GLRA1: variants seen among roughly 807,000 people sequenced by gnomAD.
The protein encoded by GLRA1 is glycine receptor alpha 1.
GLRA1 carries 37 observed loss-of-function variants against 48.3 expected under a neutral mutation model. The ratio of observed to expected loss-of-function variants is 0.77; its 90% CI spans 0.59 to 1.01. The LOEUF is 1.01. Ranked by LOEUF, GLRA1 falls within the 50% of genes least tolerant of loss-of-function variation. The pLI is 0.00. For missense variants in GLRA1, 427 were observed against 571.0 expected (o/e 0.75, Z 2.57); for synonymous variants, 196 against 210.7 (o/e 0.93, Z 0.60).
At position 151,892,437 on chromosome 5, in the gene GLRA1, G is replaced by C; in HGVS notation, c.58C>G (p.Leu20Val). ...YLWETIVFFSLAASKEAEAAR... is the reference protein window; with the variant it reads ...YLWETIVFFSVAASKEAEAAR... ...GCTTCAGCCTCCTTAGAAGCAGCAAGGCTAAGGAGGAAGAGAGGAGAGCAA... is the reference window on the plus strand; with the variant it reads ...GCTTCAGCCTCCTTAGAAGCAGCAACGCTAAGGAGGAAGAGAGGAGAGCAA... Residue 20 changes from leucine to valine, a missense_variant and splice_region_variant, in exon 2 of 9, where the codon CTT becomes GTT. Leu to Val is a conservative substitution (Grantham distance 32, BLOSUM62 1). Coordinates refer to ENST00000274576, the MANE Select transcript of GLRA1 (RefSeq NM_000171.4). The C allele has an allele frequency of 6.2e-7, 1 of 1,613,970 alleles. No individual in the cohort carries two copies. Among genetic ancestry groups the C allele is most frequent in the Middle Eastern group, 1.7e-4 (1 of 6,060 alleles).
At chr5:151,839,554 T>C (rs1443078947) in intron 7 of GLRA1, among the ~76,000 whole-genome samples, 1 of 152,150 alleles carries the variant, frequency 6.6e-6, no homozygotes, top group Non-Finnish European at 1.5e-5. Flanking sequence ...GAACTGAATA[T>C]TTGTGTGCCC....
At chr5:151,828,770 T>G (rs1021688427) in intron 8 of GLRA1, 151 bp downstream of exon 8, 27 of 782,150 alleles carry the variant, frequency 3.5e-5, no homozygotes, top group Middle Eastern at 2.5e-4. Context: ...GAGGGAAAGC[T>G]GAGACCTCTA....
intron 3 of GLRA1, among the ~76,000 whole-genome samples, chr5:151,878,915 C>T (rs561216377): frequency 6.6e-6 from 1 of 152,312 alleles, no homozygotes; most frequent in South Asian, 2.1e-4. Flanking sequence ...GGGTTGAAGC[C>T]CCCACACAGA....
Position 151,845,850 on chromosome 5 carries a change from T to G in GLRA1, c.912+5540A>C, listed in dbSNP as rs192632731. The stretch of plus-strand genomic sequence containing the variant: ...TGAATGGATAACAAAATGTGATATA[T>G]CTATACCATGGAATATTATTCAGCC... On this transcript the variant is annotated intron_variant, in intron 7 of 8. Coordinates refer to ENST00000274576, the MANE Select transcript of GLRA1 (RefSeq NM_000171.4). Among the ~76,000 whole-genome samples the G allele has an allele frequency of 5.9e-5, 9 of 152,296 alleles. No homozygotes were observed. In the East Asian group the frequency reaches 1.7e-3, roughly 29 times the overall value.
intron 1 of GLRA1, among the ~76,000 whole-genome samples, chr5:151,919,902 A>T (rs1273308117): frequency 1.3e-5 from 2 of 152,244 alleles, no homozygotes; most frequent in Admixed American, 6.5e-5. Flanking sequence ...CTGCCAGCTG[A>T]TGAAGGAAAT....
intron 7 of GLRA1, among the ~76,000 whole-genome samples, chr5:151,838,245 A>G (rs528939274): frequency 6.6e-6 from 1 of 152,314 alleles, no homozygotes; most frequent in African/African-American, 2.4e-5. Flanking sequence ...AGGCAGGTAG[A>G]TCACCTCAGG....
Position 151,822,622 on chromosome 5 carries a change from G to A in GLRA1, c.*51C>T, listed in dbSNP as rs757211765. 3 of 1,250,958 alleles carry A rather than the reference G, an allele frequency of 2.4e-6. No homozygotes were observed. Among genetic ancestry groups the A allele is most frequent in the Non-Finnish European group, 3.5e-6 (3 of 849,688 alleles). 77.5% of individuals were successfully genotyped at this position (1,250,958 alleles called of 1,614,324 possible). A position where few individuals can be genotyped will look rare whatever the true frequency, so the allele number is the denominator to read the frequency against. On this transcript the variant is annotated 3_prime_UTR_variant, in exon 9 of 9. Transcript: ENST00000274576. The stretch of plus-strand genomic sequence containing the variant: ...CTCTTCCTTAGTCTCTCAGATTCCT[G>A]TGCTATTCCCACGTTCCCCTCTCCC...
At chr5:151,848,399 C>G (rs1179377063) in intron 7 of GLRA1, among the ~76,000 whole-genome samples, 1 of 152,112 alleles carries the variant, frequency 6.6e-6, no homozygotes, top group Non-Finnish European at 1.5e-5. Context: ...TGGAGTCTCA[C>G]TCTGTTGCCC....
intron 7 of GLRA1, among the ~76,000 whole-genome samples, chr5:151,844,748 C>A (rs549818820): frequency 8.4e-4 from 127 of 151,398 alleles, no homozygotes; most frequent in Non-Finnish European, 1.6e-3. Flanking sequence ...TACTATCAAC[C>A]AAGTGAAAAG....
intron 3 of GLRA1, among the ~76,000 whole-genome samples, chr5:151,879,185 G>T (rs536426459): frequency 1.1e-3 from 168 of 152,312 alleles, no homozygotes; most frequent in Middle Eastern, 0.01. Context: ...GATCATTTTG[G>T]ATCTTTAAGA....
At chr5:151,913,616 T>C (rs1754668105) in intron 1 of GLRA1, among the ~76,000 whole-genome samples, 1 of 152,014 alleles carries the variant, frequency 6.6e-6, no homozygotes, top group Admixed American at 6.5e-5. Flanking sequence ...GACAAGATAT[T>C]CCTGAGTGAT....
intron 7 of GLRA1, among the ~76,000 whole-genome samples, chr5:151,830,056 T>G (rs1763385243): frequency 2.0e-5 from 3 of 152,232 alleles, no homozygotes; most frequent in Non-Finnish European, 4.4e-5. Flanking sequence ...TGCACAGACA[T>G]GTATTTTCAT....
intron 7 of GLRA1, 62 bp from the exon 8 acceptor site, chr5:151,829,129 T>A (rs920286510): frequency 2.0e-6 from 3 of 1,530,900 alleles, no homozygotes; most frequent in Non-Finnish European, 9.0e-7. Flanking sequence ...ACATTAAGCA[T>A]GGCGGAATAT....
chr5:151,924,664 G>GGC lies in GLRA1; in HGVS notation c.-117_-116dup, dbSNP rs1270343804. On this transcript the variant is annotated 5_prime_UTR_variant, in exon 1 of 9. Transcript: ENST00000274576. ...AAAAATAATCCAGATGTTAAAGGGA[G>GGC]GCGGGGAACAGGGGCGCGGAGGGAG... 2 of 784,572 alleles carry GGC rather than the reference G, an allele frequency of 2.5e-6. No homozygotes were observed. Among genetic ancestry groups the GGC allele is most frequent in the African/African-American group, 3.4e-5 (2 of 58,900 alleles). 48.6% of individuals were successfully genotyped at this position (784,572 alleles called of 1,614,324 possible). A position where few individuals can be genotyped will look rare whatever the true frequency, so the allele number is the denominator to read the frequency against.
chr5:151,918,960 T>C (rs1363013757), intron 1 of GLRA1, among the ~76,000 whole-genome samples: 1 of 152,186 alleles, frequency 6.6e-6, no homozygotes, highest in African/African-American at 2.4e-5. Context: ...ATAAATCAAA[T>C]CTAATGTTTC....
chr5:151,872,003 C>T (rs1024010939), intron 3 of GLRA1, among the ~76,000 whole-genome samples: 3 of 149,486 alleles, frequency 2.0e-5, no homozygotes, highest in Non-Finnish European at 4.4e-5. Flanking sequence ...TATAATGAGT[C>T]ATAGAAATTA....
chr5:151,845,173 C>T (rs1483805146), intron 7 of GLRA1, among the ~76,000 whole-genome samples: 1 of 152,120 alleles, frequency 6.6e-6, no homozygotes. Flanking sequence ...TTAATCTATT[C>T]ATGAGGAATC....
At chr5:151,838,362 G>A (rs4555782) in intron 7 of GLRA1, among the ~76,000 whole-genome samples, 61,833 of 151,868 alleles carry the variant, frequency 0.41, 12,727 homozygotes, top group South Asian at 0.46. Flanking sequence ...CCAGCTACTC[G>A]GGAGGCTAAG....
chr5:151,826,382 T>A (rs1249688365), intron 8 of GLRA1, among the ~76,000 whole-genome samples: 1 of 152,238 alleles, frequency 6.6e-6, no homozygotes. Flanking sequence ...TGAGGCTTAG[T>A]TTTTATTTAA....
Sources: allele counts gnomAD v4.1 joint callset (sites outside exome capture counted in the v4.1 genomes callset), GRCh38; gene constraint gnomAD v4.1.1; transcripts MANE v1.5; gene names NCBI Gene and HGNC (gene_info 2026-07-23, HGNC 2026-07-21).